Variants in SLC35F3 observed in about 807,000 individuals in gnomAD.
SLC35F3 encodes the protein putative thiamine transporter SLC35F3.
In SLC35F3, 25 loss-of-function variants were observed where a neutral mutation model predicts 49.9. The ratio of observed to expected loss-of-function variants is 0.50; its 90% CI spans 0.37 to 0.70. SLC35F3 has a LOEUF of 0.70. Ranked by LOEUF, SLC35F3 falls within the 30% of genes least tolerant of loss-of-function variation. The pLI, the probability that SLC35F3 is intolerant of heterozygous loss-of-function variation, is 0.00. For synonymous variants in SLC35F3, 275 were observed against 265.4 expected (o/e 1.04, Z -0.35); for missense variants, 525 against 639.8 (o/e 0.82, Z 1.94).
At chr1:233,909,018 C>G (rs1661825091) in intron 2 of SLC35F3, among the ~76,000 whole-genome samples, 1 of 148,928 alleles carries the variant, frequency 6.7e-6, no homozygotes, top group Non-Finnish European at 1.5e-5. Context: ...ACCACCATGC[C>G]CGGCTAATTT....
intron 2 of SLC35F3, among the ~76,000 whole-genome samples, chr1:233,954,080 C>G (rs1244128342): frequency 6.6e-6 from 1 of 151,504 alleles, no homozygotes; most frequent in Non-Finnish European, 1.5e-5. Flanking sequence ...AATCTCGGCT[C>G]ACTGCAACCT....
intron 3 of SLC35F3, among the ~76,000 whole-genome samples, chr1:234,233,036 G>C (rs1479777339): frequency 1.3e-5 from 2 of 152,170 alleles, no homozygotes; most frequent in Non-Finnish European, 2.9e-5. Context: ...CGGATTTGGT[G>C]CAAAGAATTC....
chr1:234,020,343 G>A (rs1021601917), intron 2 of SLC35F3, among the ~76,000 whole-genome samples: 9 of 152,028 alleles, frequency 5.9e-5, no homozygotes, highest in African/African-American at 9.7e-5. Context: ...ACATATTTCT[G>A]TCATAACAAA....
intron 2 of SLC35F3, among the ~76,000 whole-genome samples, chr1:233,969,681 G>A (rs567982924): frequency 3.9e-5 from 6 of 152,306 alleles, no homozygotes; most frequent in East Asian, 1.9e-4. Flanking sequence ...TGGCTCGTTC[G>A]AATGACTGCT....
chr1:234,235,779 G>C (rs1367039781), intron 3 of SLC35F3, among the ~76,000 whole-genome samples: 7 of 152,198 alleles, frequency 4.6e-5, no homozygotes. Context: ...AGCAACAGTA[G>C]AGCCAAGAAA....
intron 2 of SLC35F3, among the ~76,000 whole-genome samples, chr1:233,974,151 C>T (rs1663037172): frequency 7.0e-6 from 1 of 142,984 alleles, no homozygotes; most frequent in African/African-American, 2.6e-5. Context: ...GAGACTATTA[C>T]ATTCCAGGAT....
At chr1:234,268,727 A>G (rs899355433) in intron 3 of SLC35F3, 2 of 152,236 alleles carry the variant, frequency 1.3e-5, no homozygotes, top group Non-Finnish European at 2.9e-5. Flanking sequence ...CTCATGTTGA[A>G]ATATGATCCT....
intron 2 of SLC35F3, among the ~76,000 whole-genome samples, chr1:234,151,343 A>G (rs1028776506): frequency 6.6e-6 from 1 of 152,096 alleles, no homozygotes; most frequent in African/African-American, 2.4e-5. Context: ...AGAAAAATCA[A>G]TTTCACAGGA....
rs143475440 is a variant in SLC35F3 at position 234,264,508 on chromosome 1, G to A, written c.608+32767G>A. Among the ~76,000 whole-genome samples, 129 of 152,278 alleles carry A rather than the reference G, an allele frequency of 8.5e-4. 1 individual carries two copies. Among genetic ancestry groups the A allele is most frequent in the Middle Eastern group, 3.4e-3 (1 of 294 alleles). ...AGAGTCATATGTTGCCAAATCCAGT[G>A]ACCATTCTTAGTTGTCATCTTACTG... On this transcript the variant is annotated intron_variant, in intron 3 of 7. Coordinates refer to ENST00000366618, the MANE Select transcript of SLC35F3 (RefSeq NM_173508.4).
intron 2 of SLC35F3, among the ~76,000 whole-genome samples, chr1:234,166,585 C>T (rs1666324280): frequency 6.6e-6 from 1 of 152,164 alleles, no homozygotes; most frequent in South Asian, 2.1e-4. Flanking sequence ...TTGGCAGAGA[C>T]AGGCTGAGGG....
At chr1:234,258,224 A>C (rs1379234988) in intron 3 of SLC35F3, among the ~76,000 whole-genome samples, 1 of 152,210 alleles carries the variant, frequency 6.6e-6, no homozygotes, top group Non-Finnish European at 1.5e-5. Context: ...TGAAATCATA[A>C]TGGGGGGTCA....
intron 2 of SLC35F3, among the ~76,000 whole-genome samples, chr1:234,199,839 C>T (rs929081634): frequency 6.6e-6 from 1 of 152,130 alleles, no homozygotes; most frequent in Non-Finnish European, 1.5e-5. Flanking sequence ...AGGACCTGAA[C>T]AGGCATTTGT....
chr1:234,278,699 C>G (rs1188459698), intron 3 of SLC35F3, among the ~76,000 whole-genome samples: 1 of 152,144 alleles, frequency 6.6e-6, no homozygotes, highest in East Asian at 1.9e-4. Context: ...GATCAAGGTG[C>G]TAGCAGATCC....
At chr1:234,206,235 AGCTGGGTCAG>A (rs985081056) in intron 2 of SLC35F3, among the ~76,000 whole-genome samples, 5 of 151,988 alleles carry the variant, frequency 3.3e-5, no homozygotes, top group African/African-American at 1.2e-4. Context: ...GGAGCAGCAG[AGCTGGGTCAG>A]GCTGGGTCAG....
intron 2 of SLC35F3, among the ~76,000 whole-genome samples, chr1:233,931,982 T>C (rs1051812782): frequency 3.9e-5 from 6 of 152,344 alleles, no homozygotes; most frequent in African/African-American, 1.4e-4. Flanking sequence ...GATGAGTTCA[T>C]GTCCTTTGCA....
At chr1:234,273,376 G>A (rs1185594283) in intron 3 of SLC35F3, among the ~76,000 whole-genome samples, 3 of 152,186 alleles carry the variant, frequency 2.0e-5, no homozygotes, top group East Asian at 1.9e-4. Context: ...GGGGATGCAG[G>A]GAACGCAAGC....
At chr1:234,061,424 G>A (rs773817473) in intron 2 of SLC35F3, among the ~76,000 whole-genome samples, 3 of 151,916 alleles carry the variant, frequency 2.0e-5, no homozygotes, top group Non-Finnish European at 2.9e-5. Flanking sequence ...TTACTGTCAC[G>A]TGTCTGTGAC....
chr1:234,115,945 A>G (rs574587073), intron 2 of SLC35F3, among the ~76,000 whole-genome samples: 44 of 152,326 alleles, frequency 2.9e-4, no homozygotes, highest in African/African-American at 9.9e-4. Flanking sequence ...TGGGAACGTC[A>G]ATAATTAAGG....
At chr1:233,916,029 A>C (rs1313684183) in intron 2 of SLC35F3, among the ~76,000 whole-genome samples, 3 of 152,214 alleles carry the variant, frequency 2.0e-5, no homozygotes, top group African/African-American at 7.2e-5. Flanking sequence ...GTGGGAGTTT[A>C]ATAAACATTT....
Sources: allele counts gnomAD v4.1 joint callset (sites outside exome capture counted in the v4.1 genomes callset), GRCh38; gene constraint gnomAD v4.1.1; transcripts MANE v1.5; gene names NCBI Gene and HGNC (gene_info 2026-07-23, HGNC 2026-07-21).